The following PCDH19 variants were observed in gnomAD, a reference collection of about 807,000 sequenced individuals.
The protein encoded by PCDH19 is protocadherin-19.
In PCDH19, 6 loss-of-function variants were observed where a neutral mutation model predicts 46.2. The observed-to-expected ratio is 0.13, with a 90% CI of 0.07 to 0.26. The LOEUF (loss-of-function observed/expected upper bound fraction) is 0.26, where lower values mean the gene tolerates loss of function less well. PCDH19 is among the 10% of genes least tolerant of loss of function. The pLI, the probability that PCDH19 is intolerant of heterozygous loss-of-function variation, is 1.00. For missense variants in PCDH19, 740 were observed against 972.3 expected (o/e 0.76, Z 3.18); for synonymous variants, 481 against 415.7 (o/e 1.16, Z -1.91).
At chrX:100,401,784 T>C (rs1364110828) in intron 3 of PCDH19, among the ~76,000 whole-genome samples, 1 of 110,969 alleles carries the variant, frequency 9.0e-6, no homozygotes, top group African/African-American at 3.3e-5. Context: ...AGACGAAGTC[T>C]CACTATATTG....
At chrX:100,398,962 G>C (rs1284546121) in intron 3 of PCDH19, among the ~76,000 whole-genome samples, 1 of 111,726 alleles carries the variant, frequency 9.0e-6, no homozygotes, top group Non-Finnish European at 1.9e-5. Flanking sequence ...CTCAGGAATA[G>C]GATGTTATTC....
Position 100,409,454 on chromosome X carries a change from G to T in PCDH19, c.-857C>A, listed in dbSNP as rs1214868346. On this transcript the variant is annotated 5_prime_UTR_variant, in exon 1 of 6. Transcript: ENST00000373034. Reference sequence around the variant, plus strand: ...AGTTCCCCCCACAGAGCAGTTGAGGGTCTGCGGGCGTTTTCGTCTAGGAAA... The same window carrying T: ...AGTTCCCCCCACAGAGCAGTTGAGGTTCTGCGGGCGTTTTCGTCTAGGAAA... 3.4e-5 allele frequency: 4 copies of T among 117,156 alleles called. No individual in the cohort carries two copies. Among genetic ancestry groups the T allele is most frequent in the African/African-American group, 1.3e-4 (4 of 30,985 alleles). 9.7% of individuals were successfully genotyped at this position (117,156 alleles called of 1,213,427 possible).
At chrX:100,308,020 C>A (rs1350621613) in intron 5 of PCDH19, among the ~76,000 whole-genome samples, 1 of 110,807 alleles carries the variant, frequency 9.0e-6, no homozygotes, top group East Asian at 2.8e-4. Flanking sequence ...CACCATTATT[C>A]TTCACAGAAC....
chrX:100,399,726 G>A (rs1034251213), intron 3 of PCDH19, among the ~76,000 whole-genome samples: 10 of 111,642 alleles, frequency 9.0e-5, no homozygotes, highest in Non-Finnish European at 7.5e-5. Context: ...CTCTCCAGGA[G>A]GGACTGAATA....
intron 3 of PCDH19, among the ~76,000 whole-genome samples, chrX:100,383,840 A>G (rs1045873533): frequency 8.9e-6 from 1 of 111,928 alleles, no homozygotes; most frequent in Non-Finnish European, 1.9e-5. Flanking sequence ...AAGTATCAAT[A>G]ATCAAATCAG....
chrX:100,347,067 GTC>G (rs2147489458), intron 4 of PCDH19, among the ~76,000 whole-genome samples: 1 of 109,361 alleles, frequency 9.1e-6, no homozygotes, highest in South Asian at 4.1e-4. Flanking sequence ...GCAAGTGACA[GTC>G]TGGAAAAAAA....
intron 3 of PCDH19, among the ~76,000 whole-genome samples, chrX:100,393,214 G>A (rs1927911828): frequency 9.2e-6 from 1 of 109,261 alleles, no homozygotes; most frequent in South Asian, 4.1e-4. Context: ...ATATCAAATT[G>A]GGGTGTCATG....
At chrX:100,391,373 GT>G (rs1349937498) in intron 3 of PCDH19, among the ~76,000 whole-genome samples, 1 of 111,647 alleles carries the variant, frequency 9.0e-6, no homozygotes, top group Non-Finnish European at 1.9e-5. Flanking sequence ...CAGAACTCGC[GT>G]TGGACAGGAA....
chrX:100,392,021 G>A (rs992640955), intron 3 of PCDH19, among the ~76,000 whole-genome samples: 1 of 111,792 alleles, frequency 8.9e-6, no homozygotes, highest in African/African-American at 3.3e-5. Context: ...ACCATGCATA[G>A]CCACAAACCT....
chrX:100,301,654 G>A (rs1484959967), intron 5 of PCDH19, among the ~76,000 whole-genome samples: 3 of 111,217 alleles, frequency 2.7e-5, no homozygotes, highest in Non-Finnish European at 5.7e-5. Flanking sequence ...CCAAAGCAGG[G>A]CCATTTTTTG....
At chrX:100,321,356 T>C (rs5967116) in intron 5 of PCDH19, among the ~76,000 whole-genome samples, 33,264 of 111,216 alleles carry the variant, frequency 0.3, 3,822 homozygotes, top group Non-Finnish European at 0.35. Flanking sequence ...CTGTTTTCCA[T>C]AGTGGTTGTA....
chrX:100,399,468 C>T (rs1777231765), intron 3 of PCDH19, among the ~76,000 whole-genome samples: 1 of 111,842 alleles, frequency 8.9e-6, no homozygotes, highest in Admixed American at 9.5e-5. Flanking sequence ...AACGCCAGAG[C>T]CTAGAGCAGT....
chrX:100,393,497 T>TACACACACAC (rs57070852), intron 3 of PCDH19, among the ~76,000 whole-genome samples: 6,785 of 89,909 alleles, frequency 0.075, 347 homozygotes, highest in Non-Finnish European at 0.1. Flanking sequence ...CATACATACA[T>TACACACACAC]ACACACACAC....
In PCDH19 at chrX:100,403,580, G is replaced by C; in HGVS notation, c.2232C>G (p.Pro744=). The C allele has an allele frequency of 8.3e-7, 1 of 1,208,546 alleles. No individual in the cohort carries two copies. The highest frequency in any genetic ancestry group is 1.1e-6 in the Non-Finnish European group (1 of 893,596). Residue 744 remains proline, a synonymous_variant, in exon 2 of 6, where the codon CCC becomes CCG. Transcript: ENST00000373034. ...SKCLHCISVS[P]ISEEQDKKTE... is the part of the protein sequence containing the mutation. The stretch of plus-strand genomic sequence containing the variant: ...TCTTTTTGTCTTGCTCCTCGCTAAT[G>C]GGAGAAACCGAGATGCAATGCAGAC...
intron 5 of PCDH19, among the ~76,000 whole-genome samples, chrX:100,297,443 A>G (rs1286426434): frequency 9.0e-6 from 1 of 111,472 alleles, no homozygotes; most frequent in Non-Finnish European, 1.9e-5. Context: ...CAGTCCCACC[A>G]GCCAATCTCC....
At chrX:100,401,745 T>C (rs199586888) in intron 3 of PCDH19, among the ~76,000 whole-genome samples, 57 of 98,235 alleles carry the variant, frequency 5.8e-4, no homozygotes, top group South Asian at 3.2e-3. Flanking sequence ...CTTATTCTTA[T>C]TCTTACTCTT....
chrX:100,331,587 C>G (rs1211142551), intron 5 of PCDH19, among the ~76,000 whole-genome samples: 2 of 111,920 alleles, frequency 1.8e-5, no homozygotes, highest in African/African-American at 6.5e-5. Flanking sequence ...TCATCTCAAA[C>G]TGTAATCCCC....
At position 100,373,011 on chromosome X, in the gene PCDH19, CTGTTTT is replaced by C. The variant is rs775421354; in HGVS notation, c.2617-22313_2617-22308del. Among the ~76,000 whole-genome samples the C allele has an allele frequency of 4.5e-3, 509 of 112,069 alleles. 4 individuals are homozygous for C. The highest frequency in any genetic ancestry group is 7.2e-3 in the Non-Finnish European group (384 of 53,165). ...CTTTCTGCCTTGTGTCCCTTCTCTTCTGTTTTTGTTTTTGTTTTGATGGAGTCTTGC... is the reference window on the plus strand; with the variant it reads ...CTTTCTGCCTTGTGTCCCTTCTCTTCTGTTTTTGTTTTGATGGAGTCTTGC... On this transcript the variant is annotated intron_variant, in intron 3 of 5. Transcript: ENST00000373034.
At chrX:100,377,760 T>C (rs929272549) in intron 3 of PCDH19, among the ~76,000 whole-genome samples, 1 of 111,838 alleles carries the variant, frequency 8.9e-6, no homozygotes, top group Non-Finnish European at 1.9e-5. Flanking sequence ...CAGCAACTCA[T>C]GTAAGGGAAC....
Sources: allele counts gnomAD v4.1 joint callset (sites outside exome capture counted in the v4.1 genomes callset), GRCh38; gene constraint gnomAD v4.1.1; transcripts MANE v1.5; gene names NCBI Gene and HGNC (gene_info 2026-07-23, HGNC 2026-07-21).